Variants in ATP9A observed in about 807,000 individuals in gnomAD.
ATP9A encodes the protein ATPase phospholipid transporting 9A.
In ATP9A, 52 loss-of-function variants were observed where a neutral mutation model predicts 144.1. That is an observed-to-expected ratio of 0.36 (90% CI 0.29 to 0.45). The LOEUF (loss-of-function observed/expected upper bound fraction) is 0.45. ATP9A is among the 20% of genes least tolerant of loss of function. The probability of loss-of-function intolerance (pLI) is 1.00; values close to 1 mark genes in which losing one functional copy is unlikely to be tolerated. For synonymous variants in ATP9A, 582 were observed against 557.4 expected, an observed-to-expected ratio of 1.04 and a Z score of -0.62; for missense variants, 947 against 1,392.7, an observed-to-expected ratio of 0.68 and a Z score of 5.09.
intron 1 of ATP9A, among the ~76,000 whole-genome samples, chr20:51,757,036 T>C (rs1056290165): frequency 6.6e-6 from 1 of 152,130 alleles, no homozygotes; most frequent in Non-Finnish European, 1.5e-5. Context: ...CACTTGGCAA[T>C]GTCTGGAGAC....
At chr20:51,697,611 T>C in intron 4 of ATP9A, 129 bp from the exon 5 acceptor site, 1 of 762,848 alleles carries the variant, frequency 1.3e-6, no homozygotes, top group Middle Eastern at 2.4e-4. Flanking sequence ...CAGCTGCCAG[T>C]GACTCCAGCA....
intron 9 of ATP9A, among the ~76,000 whole-genome samples, chr20:51,680,346 G>C (rs1470944068): frequency 6.6e-6 from 1 of 151,722 alleles, no homozygotes; most frequent in Non-Finnish European, 1.5e-5. Flanking sequence ...CCAACAAACT[G>C]GTCCCTCTCC....
chr20:51,617,496 T>C lies in ATP9A; in HGVS notation c.2409A>G (p.Glu803=). The change falls in exon 22 of 28, where the codon GAA becomes GAG. Residue 803 remains glutamate (E), a synonymous_variant. Transcript: ENST00000338821. ...CAGAGGGAAACACTCTCACCTTTCC[T>C]TCCACTCCCACGCCGCAGTCAGATT... ...IQESDCGVGV[E]GKEGKQASLA... is the part of the protein sequence containing the mutation. The C allele has an allele frequency of 6.2e-7, 1 of 1,610,482 alleles. No homozygotes were observed. The highest frequency in any genetic ancestry group is 8.5e-7 in the Non-Finnish European group (1 of 1,178,396).
intron 3 of ATP9A, among the ~76,000 whole-genome samples, chr20:51,722,809 T>A (rs2122864264): frequency 6.6e-6 from 1 of 152,278 alleles, no homozygotes; most frequent in East Asian, 1.9e-4. Flanking sequence ...AAAGAAGAAC[T>A]ACCATTGATC....
At chr20:51,610,415 A>G (rs2077180473) in intron 23 of ATP9A, among the ~76,000 whole-genome samples, 1 of 152,216 alleles carries the variant, frequency 6.6e-6, no homozygotes, top group Admixed American at 6.5e-5. Context: ...GCCCAAGCCC[A>G]CACAGTTCCT....
intron 2 of ATP9A, among the ~76,000 whole-genome samples, chr20:51,729,049 C>G (rs1243793541): frequency 6.6e-6 from 1 of 152,064 alleles, no homozygotes; most frequent in Non-Finnish European, 1.5e-5. Flanking sequence ...TTATTATTAG[C>G]AAAAATACTA....
At chr20:51,635,326 C>T (rs2077286276) in intron 15 of ATP9A, among the ~76,000 whole-genome samples, 2 of 152,300 alleles carry the variant, frequency 1.3e-5, no homozygotes, top group South Asian at 2.1e-4. Flanking sequence ...TGGGTCCTAC[C>T]ACCATAGAAT....
At chr20:51,618,554 G>T in intron 21 of ATP9A, 108 bp downstream of exon 21, 1 of 1,444,734 alleles carries the variant, frequency 6.9e-7, no homozygotes, top group Non-Finnish European at 9.2e-7. Flanking sequence ...TGAACAAAGG[G>T]GCCTGGGGAA....
chr20:51,758,744 G>A (rs1319175903), intron 1 of ATP9A, among the ~76,000 whole-genome samples: 3 of 152,130 alleles, frequency 2.0e-5, no homozygotes, highest in Admixed American at 2.0e-4. Flanking sequence ...GCAGAACATG[G>A]TGAAACCCCG....
intron 4 of ATP9A, among the ~76,000 whole-genome samples, chr20:51,711,856 T>C (rs1212613887): frequency 8.8e-6 from 1 of 113,788 alleles, no homozygotes; most frequent in Non-Finnish European, 1.9e-5. Context: ...ATTTCAATTT[T>C]TTTTTTTTTT....
At chr20:51,659,654 G>A (rs910659744) in intron 13 of ATP9A, among the ~76,000 whole-genome samples, 3 of 152,186 alleles carry the variant, frequency 2.0e-5, no homozygotes, top group African/African-American at 7.2e-5. Context: ...TCCAACAGGA[G>A]AGAAGTGATC....
At chr20:51,627,846 C>CTA (rs59893370) in intron 16 of ATP9A, among the ~76,000 whole-genome samples, 163 bp from the exon 17 acceptor site, 2,796 of 152,254 alleles carry the variant, frequency 0.018, 82 homozygotes, top group African/African-American at 0.064. Flanking sequence ...AGCAAGCTTT[C>CTA]TATAGGGGAA....
chr20:51,605,062 G>T (rs759509917), intron 26 of ATP9A, 42 bp from the exon 27 acceptor site: 3 of 1,516,392 alleles, frequency 2.0e-6, no homozygotes, highest in Non-Finnish European at 2.7e-6. Context: ...CCCTCCCTGC[G>T]AAAGCCGTGC....
chr20:51,641,055 T>C (rs1407536043), intron 14 of ATP9A, among the ~76,000 whole-genome samples: 1 of 152,054 alleles, frequency 6.6e-6, no homozygotes, highest in Non-Finnish European at 1.5e-5. Flanking sequence ...GGAGACCCCA[T>C]TTCTAAAAAA....
At chr20:51,768,085 C>T (rs1336936815) in intron 1 of ATP9A, among the ~76,000 whole-genome samples, 1 of 152,062 alleles carries the variant, frequency 6.6e-6, no homozygotes, top group Non-Finnish European at 1.5e-5. Flanking sequence ...CCCAGGCAAC[C>T]GGGCGCTCGA....
At chr20:51,722,666 T>C (rs1339406850) in intron 3 of ATP9A, among the ~76,000 whole-genome samples, 5 of 152,180 alleles carry the variant, frequency 3.3e-5, no homozygotes, top group African/African-American at 1.2e-4. Context: ...CCTGCAAGAA[T>C]GGCCATAATC....
At chr20:51,693,710 G>A (rs547359050) in intron 7 of ATP9A, among the ~76,000 whole-genome samples, 4 of 152,108 alleles carry the variant, frequency 2.6e-5, no homozygotes, top group South Asian at 2.1e-4. Context: ...GCCTACCTTC[G>A]TAGGTTTTGA....
intron 21 of ATP9A, among the ~76,000 whole-genome samples, chr20:51,618,147 G>C (rs764317556): frequency 4.6e-5 from 7 of 151,854 alleles, no homozygotes; most frequent in Non-Finnish European, 8.8e-5. Context: ...TTGAACCCGG[G>C]AGACGGAGGT....
At chr20:51,709,600 C>T (rs569132838) in intron 4 of ATP9A, among the ~76,000 whole-genome samples, 2 of 152,082 alleles carry the variant, frequency 1.3e-5, no homozygotes, top group Non-Finnish European at 2.9e-5. Flanking sequence ...TGGTGGTGTG[C>T]ACCTGTAGTC....
Sources: gnomAD v4.1 joint callset for allele counts (sites outside exome capture counted in the v4.1 genomes callset) on GRCh38, gnomAD v4.1.1 for gene constraint, MANE v1.5 for transcripts, NCBI Gene and HGNC (gene_info 2026-07-23, HGNC 2026-07-21) for gene names.